Variants in PPP1CC observed in about 807,000 individuals in gnomAD.
PPP1CC encodes protein phosphatase 1 catalytic subunit gamma.
In PPP1CC, 16 loss-of-function variants were observed where a neutral mutation model predicts 38.4. The ratio of observed to expected loss-of-function variants is 0.42; its 90% CI spans 0.28 to 0.63. The LOEUF (loss-of-function observed/expected upper bound fraction) is 0.63, where lower values mean the gene tolerates loss of function less well. PPP1CC is among the 30% of genes least tolerant of loss of function. The probability of loss-of-function intolerance (pLI) is 0.25; values close to 1 mark genes in which losing one functional copy is unlikely to be tolerated. For missense variants in PPP1CC, 170 were observed against 391.3 expected (o/e 0.43, Z 4.77); for synonymous variants, 158 against 136.0 (o/e 1.16, Z -1.13).
chr12:110,709,290 C>T, the PPP1CC span, among the ~76,000 whole-genome samples: 213 of 144,142 alleles, frequency 1.5e-3, 2 homozygotes, highest in African/African-American at 5.3e-3. Flanking sequence ...AGTGCAGTAT[C>T]GCGATCCCGG....
chr12:110,735,539 T>C (rs2069933407), intron 1 of PPP1CC, among the ~76,000 whole-genome samples: 1 of 152,070 alleles, frequency 6.6e-6, no homozygotes, highest in Non-Finnish European at 1.5e-5. Context: ...CCCAACACTT[T>C]GGGAGGCCGA....
downstream of PPP1CC, among the ~76,000 whole-genome samples, chr12:110,715,567 T>C (rs1396206853): frequency 6.6e-6 from 1 of 152,038 alleles, no homozygotes; most frequent in East Asian, 1.9e-4. Context: ...ATTGATACCA[T>C]TTAATTATTA....
downstream of PPP1CC, among the ~76,000 whole-genome samples, chr12:110,717,487 A>G (rs1458572735): frequency 1.3e-5 from 2 of 152,086 alleles, no homozygotes; most frequent in East Asian, 1.9e-4. Flanking sequence ...TCCACCTCCC[A>G]GGTTCACGCC....
chr12:110,731,763 A>C lies in PPP1CC; in HGVS notation c.187+7T>G. The C allele has an allele frequency of 6.2e-7, 1 of 1,605,098 alleles. No homozygotes were observed. Among genetic ancestry groups the C allele is most frequent in the Non-Finnish European group, 8.5e-7 (1 of 1,172,524 alleles). On this transcript the variant is annotated splice_region_variant and intron_variant, in intron 2 of 6. Coordinates refer to ENST00000335007, the MANE Select transcript of PPP1CC (RefSeq NM_002710.4). ...AACAAAAGATAACCTGTGTGCCCCA[A>C]ACTTACCACATATTTTGAGTGGTGC...
At chr12:110,724,467 T>C (rs1032188983) in intron 4 of PPP1CC, among the ~76,000 whole-genome samples, 193 bp downstream of exon 4, 4 of 152,186 alleles carry the variant, frequency 2.6e-5, no homozygotes, top group African/African-American at 9.6e-5. Flanking sequence ...TAGAATTCCC[T>C]GTAATAAATC....
intron 2 of PPP1CC, 129 bp from the exon 3 acceptor site, chr12:110,730,888 T>G (rs1327863571): frequency 4.8e-6 from 3 of 631,256 alleles, no homozygotes; most frequent in East Asian, 2.8e-5. Flanking sequence ...AGAGTTTAAC[T>G]GGGCAGCCAA....
chr12:110,718,769 A>C (rs1044028453), downstream of PPP1CC, among the ~76,000 whole-genome samples: 2 of 152,094 alleles, frequency 1.3e-5, no homozygotes, highest in Non-Finnish European at 2.9e-5. Flanking sequence ...CACTCACTCA[A>C]ATCAGGTAGG....
downstream of PPP1CC, among the ~76,000 whole-genome samples, chr12:110,719,468 A>G (rs2069714708): frequency 6.6e-6 from 1 of 152,224 alleles, no homozygotes; most frequent in Non-Finnish European, 1.5e-5. Flanking sequence ...ATTAAGATAC[A>G]TACTTGTGAC....
downstream of PPP1CC, among the ~76,000 whole-genome samples, chr12:110,719,101 A>G (rs2069711500): frequency 6.6e-6 from 1 of 152,160 alleles, no homozygotes; most frequent in South Asian, 2.1e-4. Context: ...CAGGACATAA[A>G]GATGTGCAGA....
In PPP1CC at chr12:110,722,356, T is replaced by C; in HGVS notation, c.748-87A>G. 1.3e-6 allele frequency: 2 copies of C among 1,567,494 alleles called. No individual in the cohort carries two copies. The highest frequency in any genetic ancestry group is 1.1e-5 in the South Asian group (1 of 88,530). The stretch of plus-strand genomic sequence containing the variant: ...TCAGTTTCCCATTGAGCCTGATATC[T>C]TGTGTTCCAGAAACACTTTGTATAA... On this transcript the variant is annotated intron_variant, in intron 5 of 6. Transcript: ENST00000335007. The surrounding 1 kb of genome is among the most constrained non-coding windows in gnomAD (Gnocchi z 5.4).
intron 1 of PPP1CC, among the ~76,000 whole-genome samples, chr12:110,740,689 A>C (rs2070008087): frequency 6.6e-6 from 1 of 152,210 alleles, no homozygotes; most frequent in African/African-American, 2.4e-5. Flanking sequence ...TAACAAGAGG[A>C]ACTATTAAGA....
chr12:110,716,755 C>T (rs1221508083), downstream of PPP1CC, among the ~76,000 whole-genome samples: 1 of 152,202 alleles, frequency 6.6e-6, no homozygotes, highest in African/African-American at 2.4e-5. Context: ...ATTCTCACAA[C>T]TGAAATACTT....
In PPP1CC at chr12:110,730,695, T is replaced by C; in HGVS notation, c.252A>G (p.Glu84=). ...RLFEYGGFPP[E]SNYLFLGDYV... ...AGTCCCCAAGAAACAGGTAGTTGCTTTCTGGTGGGAAACCACCGTACTCAA... is the reference window on the plus strand; with the variant it reads ...AGTCCCCAAGAAACAGGTAGTTGCTCTCTGGTGGGAAACCACCGTACTCAA... The change falls in exon 3 of 7, where the codon GAA becomes GAG. Residue 84 remains glutamate, a synonymous_variant. Transcript: ENST00000335007. The C allele has an allele frequency of 1.2e-6, 2 of 1,614,170 alleles. No individual in the cohort carries two copies. The highest frequency in any genetic ancestry group is 1.7e-6 in the Non-Finnish European group (2 of 1,180,022).
intron 3 of PPP1CC, chr12:110,725,182 A>G (rs904182770): frequency 6.5e-6 from 1 of 153,126 alleles, no homozygotes; most frequent in African/African-American, 2.4e-5. Context: ...CCAGAATTCC[A>G]GATTTGATAA....
chr12:110,719,948 A>G lies in PPP1CC; in HGVS notation c.*1128T>C, dbSNP rs1487801749. 1.8e-6 allele frequency: 1 copy of G among 547,648 alleles called. No individual in the cohort carries two copies. The highest frequency in any genetic ancestry group is 3.2e-6 in the Non-Finnish European group (1 of 312,592). The allele number at this position is 547,648 out of a possible 1,614,324, so 33.9% of individuals were successfully genotyped here. A position where few individuals can be genotyped will look rare whatever the true frequency, so the allele number is the denominator to read the frequency against. Reference sequence around the variant, plus strand: ...TAATAAGTCTGAATTCATTTTCACCACACGGTATTGTACACGGTCATCTGT... The same window carrying G: ...TAATAAGTCTGAATTCATTTTCACCGCACGGTATTGTACACGGTCATCTGT... On this transcript the variant is annotated 3_prime_UTR_variant, in exon 7 of 7. Coordinates refer to ENST00000335007, the MANE Select transcript of PPP1CC (RefSeq NM_002710.4).
the PPP1CC span, among the ~76,000 whole-genome samples, chr12:110,713,281 C>A: frequency 6.6e-6 from 1 of 151,866 alleles, no homozygotes; most frequent in African/African-American, 2.4e-5. Context: ...TGCAGGCACA[C>A]GCTGCCACGC....
In PPP1CC at chr12:110,721,004, C is replaced by T. The variant is rs1369541691; in HGVS notation, c.*72G>A. 6 of 1,367,196 alleles carry T rather than the reference C, an allele frequency of 4.4e-6. No individual in the cohort carries two copies. Among genetic ancestry groups the T allele is most frequent in the African/African-American group, 4.3e-5 (3 of 69,822 alleles). The allele number at this position is 1,367,196 out of a possible 1,614,324, so 84.7% of individuals were successfully genotyped here. ...CTATCTGAGCAAGCTGACCAGTACA[C>T]ATTACAGTCTTAAAAATGAAGGTTA... On this transcript the variant is annotated 3_prime_UTR_variant, in exon 7 of 7. Coordinates refer to ENST00000335007, the MANE Select transcript of PPP1CC (RefSeq NM_002710.4).
chr12:110,720,585 A>G lies in PPP1CC; in HGVS notation c.*491T>C, dbSNP rs2069727133. ...AAACTAGTTTGTACATAACAAGACA[A>G]TGAGAGGAAAAAGCAATCCCTTTGA... On this transcript the variant is annotated 3_prime_UTR_variant, in exon 7 of 7. Coordinates refer to ENST00000335007, the MANE Select transcript of PPP1CC (RefSeq NM_002710.4). 2 of 204,086 alleles carry G rather than the reference A, an allele frequency of 9.8e-6. No individual in the cohort carries two copies. The highest frequency in any genetic ancestry group is 1.3e-4 in the East Asian group (1 of 7,764). 12.6% of individuals were successfully genotyped at this position (204,086 alleles called of 1,614,324 possible).
At chr12:110,739,048 G>A (rs969953205) in intron 1 of PPP1CC, among the ~76,000 whole-genome samples, 1 of 152,160 alleles carries the variant, frequency 6.6e-6, no homozygotes, top group Admixed American at 6.5e-5. Flanking sequence ...GGCTGGGCAC[G>A]GTGGCTCATG....
Sources: allele counts gnomAD v4.1 joint callset (sites outside exome capture counted in the v4.1 genomes callset), GRCh38; gene constraint gnomAD v4.1.1; non-coding constraint Gnocchi (gnomAD v3.1); transcripts MANE v1.5; gene names NCBI Gene and HGNC (gene_info 2026-07-23, HGNC 2026-07-21).